LYN: variants seen among roughly 807,000 people sequenced by gnomAD.
LYN encodes LYN proto-oncogene, Src family tyrosine kinase, also known as tyrosine-protein kinase Lyn.
A neutral mutation model predicts 65.0 loss-of-function variants in LYN; 12 were observed. That is an observed-to-expected ratio of 0.18 (90% confidence interval 0.12 to 0.30). The LOEUF (loss-of-function observed/expected upper bound fraction) is 0.30, where lower values mean the gene tolerates loss of function less well. Ranked by LOEUF, LYN falls within the 10% of genes least tolerant of loss-of-function variation. The pLI is 1.00. For missense variants in LYN, 380 were observed against 623.2 expected (o/e 0.61, Z 4.16); for synonymous variants, 222 against 221.2 (o/e 1.00, Z -0.03).
chr8:55,965,389 C>T (rs1004587503), intron 8 of LYN, among the ~76,000 whole-genome samples: 1 of 152,154 alleles, frequency 6.6e-6, no homozygotes, highest in African/African-American at 2.4e-5. Flanking sequence ...GAGGGAGTGG[C>T]TCCCTGTCCT....
At chr8:55,996,105 G>T (rs1044264732) in intron 10 of LYN, among the ~76,000 whole-genome samples, 1 of 152,196 alleles carries the variant, frequency 6.6e-6, no homozygotes, top group African/African-American at 2.4e-5. Context: ...CAGCCCTAGA[G>T]GTGTTTATCA....
chr8:55,907,646 T>C (rs1805467216), intron 1 of LYN, among the ~76,000 whole-genome samples: 1 of 152,108 alleles, frequency 6.6e-6, no homozygotes, highest in African/African-American at 2.4e-5. Flanking sequence ...GTGGAAGGAT[T>C]GCTTGAGCCC....
chr8:55,960,021 A>G (rs2130510264), intron 8 of LYN, among the ~76,000 whole-genome samples: 1 of 152,300 alleles, frequency 6.6e-6, no homozygotes, highest in East Asian at 1.9e-4. Context: ...GCCTGGGAGT[A>G]TGGTAGGAGT....
chr8:55,965,529 A>C lies in LYN; in HGVS notation c.791-1186A>C, dbSNP rs946646946. On this transcript the variant is annotated intron_variant, in intron 8 of 12. Transcript: ENST00000519728. ...TATATAAGTAATTTTTATAAAGAAC[A>C]CCTTTTTTAAAGAAAATGTGGTAAA... Among the ~76,000 whole-genome samples, 3 of 152,350 alleles carry C rather than the reference A, an allele frequency of 2.0e-5. No individual in the cohort carries two copies. In the South Asian group the frequency reaches 6.2e-4, roughly 32 times the overall value.
chr8:55,974,705 C>T (rs1807705040), intron 10 of LYN, among the ~76,000 whole-genome samples: 1 of 152,156 alleles, frequency 6.6e-6, no homozygotes, highest in Non-Finnish European at 1.5e-5. Context: ...GTCTCTTTGT[C>T]TGGAACGTAA....
chr8:55,911,076 T>TACACACAC, intron 1 of LYN, among the ~76,000 whole-genome samples: 1 of 10,010 alleles, frequency 1.0e-4, no homozygotes, highest in Non-Finnish European at 1.8e-4. Context: ...TATATATATA[T>TACACACAC]ACATACATAT....
intron 10 of LYN, among the ~76,000 whole-genome samples, chr8:55,972,891 G>A (rs1429191554): frequency 2.0e-5 from 3 of 152,184 alleles, no homozygotes; most frequent in Non-Finnish European, 4.4e-5. Flanking sequence ...TAACTAAACA[G>A]TTAGTAGGCT....
At chr8:55,964,181 C>G (rs1807376516) in intron 8 of LYN, among the ~76,000 whole-genome samples, 1 of 152,002 alleles carries the variant, frequency 6.6e-6, no homozygotes, top group African/African-American at 2.4e-5. Context: ...ACTATCTTCT[C>G]CATATGTTCT....
chr8:55,901,827 G>C (rs1457045329), intron 1 of LYN, among the ~76,000 whole-genome samples: 1 of 152,118 alleles, frequency 6.6e-6, no homozygotes, highest in Non-Finnish European at 1.5e-5. Flanking sequence ...TGCATTTCCT[G>C]GCTCAACCAA....
At chr8:55,910,528 C>T (rs1446061066) in intron 1 of LYN, among the ~76,000 whole-genome samples, 1 of 152,078 alleles carries the variant, frequency 6.6e-6, no homozygotes, top group African/African-American at 2.4e-5. Flanking sequence ...ATGCCAGTAC[C>T]ATGCTGTTTT....
At chr8:55,965,941 A>G (rs1420299068) in intron 8 of LYN, among the ~76,000 whole-genome samples, 1 of 152,128 alleles carries the variant, frequency 6.6e-6, no homozygotes, top group African/African-American at 2.4e-5. Context: ...CCTGGCCAAC[A>G]TGGTGGAACC....
At chr8:55,942,357 GTA>G (rs370119023) in intron 2 of LYN, among the ~76,000 whole-genome samples, 17 of 135,066 alleles carry the variant, frequency 1.3e-4, no homozygotes, top group Admixed American at 8.1e-4. Context: ...ATATATATGT[GTA>G]TATATATGTG....
At position 56,000,558 on chromosome 8, in the gene LYN, C is replaced by G. The variant is rs1808484325; in HGVS notation, c.1336+1009C>G. 4.0e-5 allele frequency among the ~76,000 whole-genome samples: 6 copies of G among 151,768 alleles called. No individual in the cohort carries two copies. The South Asian group carries it at 1.2e-3, about 32-fold the overall frequency. On this transcript the variant is annotated intron_variant, in intron 12 of 12. Transcript: ENST00000519728. ...CCTGGCCAACATGGTGAAACCCCGT[C>G]ATTACTAAAAATACAAAAAATTAGC...
At chr8:55,966,472 A>G (rs1216369771) in intron 8 of LYN, among the ~76,000 whole-genome samples, 1 of 151,878 alleles carries the variant, frequency 6.6e-6, no homozygotes, top group East Asian at 1.9e-4. Context: ...GGTTCAAGCA[A>G]TTCTCCTGTC....
At position 55,911,192 on chromosome 8, in the gene LYN, C is replaced by CGTATATATAT. The variant is rs754921780; in HGVS notation, c.-5-30663_-5-30662insGTATATATAT. The stretch of plus-strand genomic sequence containing the variant: ...ATACACGTATATATATATATATACA[C>CGTATATATAT]ACACACATATATATATACACGTGTA... On this transcript the variant is annotated intron_variant, in intron 1 of 12. Coordinates refer to ENST00000519728, the MANE Select transcript of LYN (RefSeq NM_002350.4). Among the ~76,000 whole-genome samples, 9 of 8,796 alleles carry CGTATATATAT rather than the reference C, an allele frequency of 1.0e-3. 2 individuals are homozygous for CGTATATATAT. Among genetic ancestry groups the CGTATATATAT allele is most frequent in the Non-Finnish European group, 2.9e-3 (9 of 3,118 alleles). 5.8% of individuals were successfully genotyped at this position (8,796 alleles called of 152,430 possible).
At chr8:56,007,357 C>G (rs1324892871) in intron 12 of LYN, among the ~76,000 whole-genome samples, 1 of 152,134 alleles carries the variant, frequency 6.6e-6, no homozygotes, top group East Asian at 1.9e-4. Context: ...TTTGTGGAGA[C>G]TAAAACTCCC....
At position 56,009,925 on chromosome 8, in the gene LYN, G is replaced by A; in HGVS notation, c.1354G>A (p.Val452Met). Reference protein sequence around the residue: ...IPYPGRTNADVMTALSQGYRM... With the variant: ...IPYPGRTNADMMTALSQGYRM... ...CACCCTAGGGAGAACTAATGCCGAC[G>A]TGATGACCGCCCTGTCCCAGGGCTA... The change falls in exon 13 of 13, where the codon GTG (valine) becomes ATG (methionine). Residue 452 changes from valine to methionine, a missense_variant. Coordinates refer to ENST00000519728, the MANE Select transcript of LYN (RefSeq NM_002350.4). 3 of 1,613,934 alleles carry A rather than the reference G, an allele frequency of 1.9e-6. No individual in the cohort carries two copies. The highest frequency in any genetic ancestry group is 2.5e-6 in the Non-Finnish European group (3 of 1,179,836).
In LYN at chr8:56,013,744, G is replaced by T. The variant is rs1808877532; in HGVS notation, c.*3634G>T. On this transcript the variant is annotated 3_prime_UTR_variant, in exon 13 of 13. Transcript: ENST00000519728. The stretch of plus-strand genomic sequence containing the variant: ...ATGTCACTGCCAGGTTCCACAGCCA[G>T]TTGTCGGACATCTCCTGCTTCCTCA... 6.6e-6 allele frequency: 1 copy of T among 152,244 alleles called. No individual in the cohort carries two copies. The highest frequency in any genetic ancestry group is 2.4e-5 in the African/African-American group (1 of 41,428). 9.4% of individuals were successfully genotyped at this position (152,244 alleles called of 1,614,324 possible). A position where few individuals can be genotyped will look rare whatever the true frequency, so the allele number is the denominator to read the frequency against.
intron 1 of LYN, among the ~76,000 whole-genome samples, chr8:55,889,043 G>C (rs1387086781): frequency 6.6e-6 from 1 of 151,538 alleles, no homozygotes; most frequent in African/African-American, 2.4e-5. Context: ...TTTGAGATGG[G>C]GTCTCACTCT....
Sources: gnomAD v4.1 joint callset for allele counts (sites outside exome capture counted in the v4.1 genomes callset) on GRCh38, gnomAD v4.1.1 for gene constraint, MANE v1.5 for transcripts, NCBI Gene and HGNC (gene_info 2026-07-23, HGNC 2026-07-21) for gene names.